KCNH5: variants seen among roughly 807,000 people sequenced by gnomAD.
The protein encoded by KCNH5 is potassium voltage-gated channel subfamily H member 5, also known as voltage-gated delayed rectifier potassium channel KCNH5.
A neutral mutation model predicts 96.1 loss-of-function variants in KCNH5; 46 were observed. The observed-to-expected ratio is 0.48, with a 90% CI of 0.38 to 0.61. KCNH5 has a LOEUF of 0.61. Ranked by LOEUF, KCNH5 falls within the 20% of genes least tolerant of loss-of-function variation. The pLI is 0.00. For synonymous variants in KCNH5, 439 were observed against 449.8 expected (o/e 0.98, Z 0.30); for missense variants, 907 against 1,225.8 (o/e 0.74, Z 3.88).
intron 8 of KCNH5, among the ~76,000 whole-genome samples, chr14:62,836,852 C>T (rs776239718): frequency 6.6e-6 from 1 of 152,138 alleles, no homozygotes; most frequent in African/African-American, 2.4e-5. Context: ...CTGCCTGGAA[C>T]ATACGGGGCA....
intron 7 of KCNH5, among the ~76,000 whole-genome samples, chr14:62,943,152 T>C (rs998467810): frequency 6.6e-6 from 1 of 152,176 alleles, no homozygotes; most frequent in African/African-American, 2.4e-5. Flanking sequence ...GTTTCTTTCT[T>C]TTAGAAAATT....
At chr14:62,940,658 A>AT (rs1889769844) in intron 7 of KCNH5, among the ~76,000 whole-genome samples, 1 of 152,274 alleles carries the variant, frequency 6.6e-6, no homozygotes, top group East Asian at 1.9e-4. Flanking sequence ...TGATGCCTAC[A>AT]TTTTTGCATA....
chr14:62,880,023 C>T (rs1017977932), intron 7 of KCNH5, among the ~76,000 whole-genome samples: 4 of 152,074 alleles, frequency 2.6e-5, no homozygotes, highest in African/African-American at 9.7e-5. Context: ...TACATATATG[C>T]TTCAAAAAAT....
chr14:62,722,539 T>C (rs934577922), intron 10 of KCNH5, among the ~76,000 whole-genome samples: 1 of 152,220 alleles, frequency 6.6e-6, no homozygotes, highest in African/African-American at 2.4e-5. Context: ...TAAATTTTTG[T>C]AACTGGCCTG....
chr14:62,772,107 C>CA (rs1191370818), intron 10 of KCNH5, among the ~76,000 whole-genome samples: 7 of 151,930 alleles, frequency 4.6e-5, no homozygotes, highest in Middle Eastern at 6.8e-3. Flanking sequence ...CTAACAACAA[C>CA]AACAAAAAAA....
At chr14:62,822,785 TCATAGATAGAGTAGG>T (rs1887141241) in intron 8 of KCNH5, among the ~76,000 whole-genome samples, 1 of 152,072 alleles carries the variant, frequency 6.6e-6, no homozygotes, top group Non-Finnish European at 1.5e-5. Flanking sequence ...TCGATCATTT[TCATAGATAGAGTAGG>T]TACACACATT....
rs543824397 is a variant in KCNH5, at chr14:62,932,971, C to G, written c.1369+17162G>C. Among the ~76,000 whole-genome samples the G allele has an allele frequency of 9.2e-5, 14 of 152,234 alleles. No homozygotes were observed. The South Asian group carries it at 2.9e-3, about 32-fold the overall frequency. On this transcript the variant is annotated intron_variant, in intron 7 of 10. Coordinates refer to ENST00000322893, the MANE Select transcript of KCNH5 (RefSeq NM_139318.5). Reference sequence around the variant, plus strand: ...CTTTTATCTATACTTTCTCTAGAGGCTACTATAAGAGGTGTTCATTCAAAA... The same window carrying G: ...CTTTTATCTATACTTTCTCTAGAGGGTACTATAAGAGGTGTTCATTCAAAA...
At chr14:62,916,122 T>G (rs1280559375) in intron 7 of KCNH5, among the ~76,000 whole-genome samples, 1 of 151,816 alleles carries the variant, frequency 6.6e-6, no homozygotes, top group Non-Finnish European at 1.5e-5. Context: ...CCGGCTAATT[T>G]TTTGTATTTT....
At chr14:62,976,209 G>C (rs1334216593) in intron 6 of KCNH5, among the ~76,000 whole-genome samples, 1 of 151,802 alleles carries the variant, frequency 6.6e-6, no homozygotes, top group Non-Finnish European at 1.5e-5. Context: ...GACCATCCTG[G>C]CTAACATGGT....
intron 9 of KCNH5, among the ~76,000 whole-genome samples, chr14:62,791,599 T>C (rs772906443): frequency 6.6e-6 from 1 of 151,644 alleles, no homozygotes; most frequent in Non-Finnish European, 1.5e-5. Flanking sequence ...ATGCAAACAG[T>C]AGCCAAAAGA....
At chr14:62,740,478 A>G (rs1885248795) in intron 10 of KCNH5, among the ~76,000 whole-genome samples, 2 of 152,028 alleles carry the variant, frequency 1.3e-5, no homozygotes, top group East Asian at 1.9e-4. Context: ...TCTCCTGCTG[A>G]TTTTCTAACA....
At chr14:62,944,253 G>A (rs1362390081) in intron 7 of KCNH5, among the ~76,000 whole-genome samples, 1 of 152,058 alleles carries the variant, frequency 6.6e-6, no homozygotes, top group Non-Finnish European at 1.5e-5. Context: ...TATAAATTTT[G>A]GATGACTTTC....
At chr14:62,752,300 AC>A (rs35229460) in intron 10 of KCNH5, among the ~76,000 whole-genome samples, 2 of 151,676 alleles carry the variant, frequency 1.3e-5, no homozygotes, top group South Asian at 4.2e-4. Flanking sequence ...CCAAGGAAAG[AC>A]CCCTTCTGCT....
intron 7 of KCNH5, among the ~76,000 whole-genome samples, chr14:62,858,790 T>C (rs181552726): frequency 4.0e-4 from 60 of 151,788 alleles, no homozygotes; most frequent in Non-Finnish European, 5.9e-5. Context: ...ATATATCGGA[T>C]GCTGATTCAG....
At chr14:63,028,291 A>G (rs1005790208) in intron 1 of KCNH5, among the ~76,000 whole-genome samples, 5 of 152,100 alleles carry the variant, frequency 3.3e-5, no homozygotes, top group Non-Finnish European at 7.4e-5. Context: ...TCCAGCTATC[A>G]CTACCCATCT....
At position 62,987,090 on chromosome 14, in the gene KCNH5, T is replaced by C. The variant is rs1199479762; in HGVS notation, c.531A>G (p.Lys177=). The C allele has an allele frequency of 1.2e-6, 2 of 1,612,908 alleles. No homozygotes were observed. The highest frequency in any genetic ancestry group is 2.7e-5 in the African/African-American group (2 of 74,866). Residue 177 remains lysine, a synonymous_variant, in exon 5 of 11, where the codon AAA becomes AAG. Transcript: ENST00000322893. ...TPMNKTEVVH[K]HSRLAEVLQL... ...TACTTACTTCAGCTAGTCTTGAATGTTTATGGACCACCTCTGTTTTATTCA... is the reference window on the plus strand; with the variant it reads ...TACTTACTTCAGCTAGTCTTGAATGCTTATGGACCACCTCTGTTTTATTCA...
chr14:62,806,746 G>T (rs939561611), intron 8 of KCNH5, among the ~76,000 whole-genome samples: 2 of 152,114 alleles, frequency 1.3e-5, no homozygotes, highest in Non-Finnish European at 2.9e-5. Context: ...CCCAACTTAG[G>T]AGGGTTAGAG....
intron 4 of KCNH5, among the ~76,000 whole-genome samples, chr14:62,993,564 T>G (rs1890852828): frequency 6.6e-6 from 1 of 152,054 alleles, no homozygotes; most frequent in African/African-American, 2.4e-5. Flanking sequence ...TCATGTACTT[T>G]GAAGTAGATT....
intron 8 of KCNH5, among the ~76,000 whole-genome samples, chr14:62,848,166 T>C (rs111690632): frequency 3.9e-5 from 6 of 152,330 alleles, no homozygotes; most frequent in African/African-American, 1.4e-4. Context: ...AAGGAAAGCT[T>C]CTTGCTGAGA....
Sources: allele counts gnomAD v4.1 joint callset (sites outside exome capture counted in the v4.1 genomes callset), GRCh38; gene constraint gnomAD v4.1.1; transcripts MANE v1.5; gene names NCBI Gene and HGNC (gene_info 2026-07-23, HGNC 2026-07-21).